The following TTC17 variants were observed in gnomAD, a reference collection of about 807,000 sequenced individuals.
The protein encoded by TTC17 is tetratricopeptide repeat domain 17, also known as tetratricopeptide repeat protein 17.
TTC17 carries 58 observed loss-of-function variants against 143.8 expected under a neutral mutation model. The ratio of observed to expected loss-of-function variants is 0.40; its 90% CI spans 0.33 to 0.50. The LOEUF (loss-of-function observed/expected upper bound fraction) is 0.50, where lower values mean the gene tolerates loss of function less well. TTC17 is among the 20% of genes least tolerant of loss of function. TTC17 has a pLI of 0.49. For missense variants in TTC17, 1,273 were observed against 1,392.5 expected (o/e 0.91, Z 1.37); for synonymous variants, 501 against 497.8 (o/e 1.01, Z -0.09).
At chr11:43,416,651 G>C (rs549570311) in intron 16 of TTC17, among the ~76,000 whole-genome samples, 1 of 152,146 alleles carries the variant, frequency 6.6e-6, no homozygotes, top group East Asian at 1.9e-4. Flanking sequence ...AACAATAAGA[G>C]AAAATAACTT....
At chr11:43,429,554 G>A (rs1158995931) in intron 16 of TTC17, among the ~76,000 whole-genome samples, 1 of 152,028 alleles carries the variant, frequency 6.6e-6, no homozygotes, top group African/African-American at 2.4e-5. Flanking sequence ...ATATATTTTT[G>A]TTCACTTCAT....
chr11:43,378,235 C>A (rs1856835335), intron 1 of TTC17, among the ~76,000 whole-genome samples: 1 of 152,182 alleles, frequency 6.6e-6, no homozygotes, highest in Non-Finnish European at 1.5e-5. Flanking sequence ...GACTGTCACA[C>A]TTCCACAGTT....
At chr11:43,441,145 C>T (rs888349191) in intron 16 of TTC17, among the ~76,000 whole-genome samples, 1 of 123,252 alleles carries the variant, frequency 8.1e-6, no homozygotes, top group Admixed American at 7.3e-5. Context: ...GTGGCCTGCG[C>T]CTATAATCCC....
intron 21 of TTC17, among the ~76,000 whole-genome samples, chr11:43,464,036 GA>G (rs1405594353): frequency 6.6e-6 from 1 of 152,178 alleles, no homozygotes; most frequent in Admixed American, 6.5e-5. Flanking sequence ...AGCACTTTGG[GA>G]GGCTGAGGCG....
chr11:43,405,971 G>T lies in TTC17; in HGVS notation c.1761+20G>T, dbSNP rs957559276. 2 of 1,606,812 alleles carry T rather than the reference G, an allele frequency of 1.2e-6. No individual in the cohort carries two copies. Among genetic ancestry groups the T allele is most frequent in the South Asian group, 1.1e-5 (1 of 89,908 alleles). ...CGAAAAGTAAGGCTCACTTAGGCTG[G>T]TATTTATTGCCGTCCATTCTGGGTG... is the stretch of plus-strand genomic sequence containing the variant. On this transcript the variant is annotated intron_variant, in intron 13 of 23. Transcript: ENST00000039989.
At chr11:43,371,905 G>A (rs1856581853) in intron 1 of TTC17, among the ~76,000 whole-genome samples, 1 of 152,132 alleles carries the variant, frequency 6.6e-6, no homozygotes, top group African/African-American at 2.4e-5. Context: ...TATGGCCAAG[G>A]AAGAGACTGA....
At chr11:43,379,012 C>A in intron 1 of TTC17, 1 of 492,596 alleles carries the variant, frequency 2.0e-6, no homozygotes, top group Non-Finnish European at 3.6e-6. Context: ...ACTTTGAATG[C>A]TTGTTCTTCC....
At chr11:43,464,706 T>C (rs1947937736) in intron 21 of TTC17, among the ~76,000 whole-genome samples, 1 of 149,460 alleles carries the variant, frequency 6.7e-6, no homozygotes, top group Non-Finnish European at 1.5e-5. Context: ...AACGGAATTA[T>C]AAAGAGGAAA....
chr11:43,379,431 G>A (rs929425773), intron 2 of TTC17, 109 bp downstream of exon 2: 1 of 921,774 alleles, frequency 1.1e-6, no homozygotes, highest in African/African-American at 1.7e-5. Context: ...TGAGTCTTCT[G>A]ACTTTTGCGG....
chr11:43,385,820 AT>A (rs1460842383), intron 2 of TTC17: 1 of 151,684 alleles, frequency 6.6e-6, no homozygotes, highest in African/African-American at 2.4e-5. Flanking sequence ...AAATATGGAA[AT>A]AATATTATAA....
At chr11:43,465,867 C>CA (rs138026803) in intron 21 of TTC17, among the ~76,000 whole-genome samples, 21,837 of 152,098 alleles carry the variant, frequency 0.14, 4,215 homozygotes, top group African/African-American at 0.44. Flanking sequence ...AGCATTAAGA[C>CA]AATATATGTA....
intron 16 of TTC17, among the ~76,000 whole-genome samples, chr11:43,441,275 C>CAA (rs770291331): frequency 1.3e-4 from 17 of 131,050 alleles, no homozygotes; most frequent in Admixed American, 7.7e-4. Context: ...GACTCTATCT[C>CAA]AAAAAAAAAA....
chr11:43,369,707 C>T (rs1407739139), intron 1 of TTC17, among the ~76,000 whole-genome samples: 1 of 151,708 alleles, frequency 6.6e-6, no homozygotes, highest in East Asian at 1.9e-4. Context: ...ACCTCTGCCT[C>T]CCAGGTTCAA....
Position 43,401,394 on chromosome 11 carries a change from T to A in TTC17, c.1220-52T>A, listed in dbSNP as rs1206605250. On this transcript the variant is annotated intron_variant, in intron 9 of 23. Coordinates refer to ENST00000039989, the MANE Select transcript of TTC17 (RefSeq NM_018259.6). ...AATGACTTAGTCTAAGAAAATCACA[T>A]TGGCATTGTTGACCTTGCTCATCAT... 3 of 1,276,034 alleles carry A rather than the reference T, an allele frequency of 2.4e-6. No homozygotes were observed. The African/African-American group carries it at 4.4e-5, about 19-fold the overall frequency. The allele number at this position is 1,276,034 out of a possible 1,614,324, so 79.0% of individuals were successfully genotyped here.
intron 1 of TTC17, among the ~76,000 whole-genome samples, chr11:43,365,722 A>G (rs561347582): frequency 6.6e-6 from 1 of 152,370 alleles, no homozygotes; most frequent in Non-Finnish European, 1.5e-5. Context: ...CAGATTTCCA[A>G]GACACCCAGA....
intron 16 of TTC17, among the ~76,000 whole-genome samples, chr11:43,433,792 C>T (rs182907445): frequency 6.8e-4 from 103 of 152,228 alleles, no homozygotes; most frequent in African/African-American, 2.4e-3. Flanking sequence ...AAATGTTTGT[C>T]GTTTGCTTTT....
chr11:43,433,203 G>A (rs1947199729), intron 16 of TTC17, among the ~76,000 whole-genome samples: 1 of 152,156 alleles, frequency 6.6e-6, no homozygotes, highest in African/African-American at 2.4e-5. Flanking sequence ...GTTTCACCAT[G>A]TTGGCCAGGA....
At chr11:43,401,834 C>T (rs912970634) in intron 10 of TTC17, among the ~76,000 whole-genome samples, 4 of 151,622 alleles carry the variant, frequency 2.6e-5, no homozygotes, top group South Asian at 2.1e-4. Flanking sequence ...ATAAATTGGC[C>T]AGGTATGGTG....
At chr11:43,488,512 A>G (rs1564986449) in intron 21 of TTC17, among the ~76,000 whole-genome samples, 1 of 151,206 alleles carries the variant, frequency 6.6e-6, no homozygotes, top group Admixed American at 6.6e-5. Flanking sequence ...TAAAGGTAGT[A>G]TCTCAGTGGG....
Sources: allele counts gnomAD v4.1 joint callset (sites outside exome capture counted in the v4.1 genomes callset), GRCh38; gene constraint gnomAD v4.1.1; transcripts MANE v1.5; gene names NCBI Gene and HGNC (gene_info 2026-07-23, HGNC 2026-07-21).